STIM1: variants seen among roughly 807,000 people sequenced by gnomAD.
STIM1 encodes the protein stromal interaction molecule 1.
STIM1 carries 25 observed loss-of-function variants against 74.7 expected under a neutral mutation model. The ratio of observed to expected loss-of-function variants is 0.33; its 90% CI spans 0.24 to 0.47. STIM1 has a LOEUF of 0.47. STIM1 is among the 20% of genes least tolerant of loss of function. STIM1 has a pLI of 1.00. For missense variants in STIM1, 728 were observed against 920.8 expected, an observed-to-expected ratio of 0.79 and a Z score of 2.71; for synonymous variants, 328 against 348.8, an observed-to-expected ratio of 0.94 and a Z score of 0.66.
Position 3,981,470 on chromosome 11 carries a change from G to A in STIM1, c.270+13788G>A, listed in dbSNP as rs757935525. 3.0e-4 allele frequency among the ~76,000 whole-genome samples: 45 copies of A among 152,116 alleles called. 2 individuals are homozygous for A. The highest frequency in any genetic ancestry group is 1.5e-4 in the Non-Finnish European group (10 of 68,034). On this transcript the variant is annotated intron_variant, in intron 2 of 12. Transcript: ENST00000526596. ...TTTCTCTTAAGGGTGCTGAGTTGACGTTATTTTTGAATTTTGAATTCGAAA... is the reference window on the plus strand; with the variant it reads ...TTTCTCTTAAGGGTGCTGAGTTGACATTATTTTTGAATTTTGAATTCGAAA...
chr11:4,036,172 C>T (rs1330209233), intron 3 of STIM1, among the ~76,000 whole-genome samples: 1 of 152,168 alleles, frequency 6.6e-6, no homozygotes, highest in Non-Finnish European at 1.5e-5. Flanking sequence ...CATGTCCCTG[C>T]AAAGGACATG....
chr11:3,975,039 G>A (rs891593490), intron 2 of STIM1, among the ~76,000 whole-genome samples: 2 of 152,140 alleles, frequency 1.3e-5, no homozygotes, highest in South Asian at 2.1e-4. Context: ...GGCACTATTC[G>A]AAGGCTAGGG....
At chr11:3,968,610 T>G (rs1157945004) in intron 2 of STIM1, among the ~76,000 whole-genome samples, 1 of 152,192 alleles carries the variant, frequency 6.6e-6, no homozygotes, top group Non-Finnish European at 1.5e-5. Context: ...AGCGTCTATG[T>G]ACCATGCACT....
chr11:4,037,537 C>A (rs1161203283), intron 3 of STIM1, among the ~76,000 whole-genome samples: 1 of 152,124 alleles, frequency 6.6e-6, no homozygotes, highest in East Asian at 1.9e-4. Context: ...AAATGAACTG[C>A]TTTATCCTTC....
intron 1 of STIM1, among the ~76,000 whole-genome samples, chr11:3,911,036 A>G (rs1213504113): frequency 6.6e-6 from 1 of 152,144 alleles, no homozygotes; most frequent in Admixed American, 6.6e-5. Context: ...TACAAGTCTC[A>G]TCCTGCTGGA....
At chr11:4,075,314 G>T (rs777081560) in intron 7 of STIM1, among the ~76,000 whole-genome samples, 82 of 152,244 alleles carry the variant, frequency 5.4e-4, no homozygotes, top group Non-Finnish European at 2.5e-4. Flanking sequence ...GCATATGCAT[G>T]TACCTGTGTT....
At chr11:3,970,130 A>G (rs868694708) in intron 2 of STIM1, among the ~76,000 whole-genome samples, 1 of 150,406 alleles carries the variant, frequency 6.6e-6, no homozygotes, top group Non-Finnish European at 1.5e-5. Flanking sequence ...GAGGGGAGGA[A>G]TAAAATGTTC....
In STIM1 at chr11:3,996,624, G is replaced by C. The variant is rs550036227; in HGVS notation, c.271-27249G>C. Reference sequence around the variant, plus strand: ...GTTTCTGTGTCATTGAGTTGGGAGAGGCAAGGTGGAGAACAGGTCTTGGTT... The same window carrying C: ...GTTTCTGTGTCATTGAGTTGGGAGACGCAAGGTGGAGAACAGGTCTTGGTT... On this transcript the variant is annotated intron_variant, in intron 2 of 12. Coordinates refer to ENST00000526596, the MANE Select transcript of STIM1 (RefSeq NM_001382567.1). Among the ~76,000 whole-genome samples, 4 of 152,304 alleles carry C rather than the reference G, an allele frequency of 2.6e-5. No individual in the cohort carries two copies. In the East Asian group the frequency reaches 7.7e-4, roughly 29 times the overall value.
intron 7 of STIM1, among the ~76,000 whole-genome samples, chr11:4,076,036 A>T (rs1252209542): frequency 1.3e-5 from 2 of 152,128 alleles, no homozygotes; most frequent in South Asian, 2.1e-4. Context: ...ATTTGTAAGC[A>T]TTATTTATAT....
At chr11:3,955,640 T>C (rs148320801) in intron 1 of STIM1, among the ~76,000 whole-genome samples, 31 of 152,076 alleles carry the variant, frequency 2.0e-4, no homozygotes, top group South Asian at 1.0e-3. Flanking sequence ...TATATTTACT[T>C]ATGTACTTTA....
intron 1 of STIM1, among the ~76,000 whole-genome samples, chr11:3,887,366 T>TA: frequency 6.6e-6 from 1 of 152,296 alleles, no homozygotes; most frequent in Non-Finnish European, 1.5e-5. Flanking sequence ...ACATGGGCAT[T>TA]ATGAAACCTG....
Position 4,059,273 on chromosome 11 carries a change from C to G in STIM1, c.498-8C>G. On this transcript the variant is annotated splice_region_variant and splice_polypyrimidine_tract_variant and intron_variant, in intron 4 of 12. Coordinates refer to ENST00000526596, the MANE Select transcript of STIM1 (RefSeq NM_001382567.1). ...AGGGAACTGATCTGCTACTCTTTGC[C>G]TCAACAGGCTGGCTGTCACCAACAC... 6.2e-7 allele frequency: 1 copy of G among 1,613,260 alleles called. No individual in the cohort carries two copies. Among genetic ancestry groups the G allele is most frequent in the Non-Finnish European group, 8.5e-7 (1 of 1,179,292 alleles).
chr11:4,062,215 T>TA (rs933133511), intron 5 of STIM1, among the ~76,000 whole-genome samples: 3 of 152,178 alleles, frequency 2.0e-5, no homozygotes, highest in African/African-American at 7.2e-5. Flanking sequence ...TTCACCAAAA[T>TA]AAAAAAGTTT....
At chr11:3,964,270 A>G (rs1172959877) in intron 1 of STIM1, among the ~76,000 whole-genome samples, 2 of 152,224 alleles carry the variant, frequency 1.3e-5, no homozygotes, top group African/African-American at 2.4e-5. Context: ...CCAGATTGGA[A>G]TGCGTAAGAG....
intron 3 of STIM1, among the ~76,000 whole-genome samples, chr11:4,035,390 T>C (rs1208663055): frequency 6.6e-6 from 1 of 152,060 alleles, no homozygotes; most frequent in African/African-American, 2.4e-5. Flanking sequence ...GATATAATCT[T>C]CAATAACTTA....
chr11:3,933,520 A>G (rs1473624685), intron 1 of STIM1, among the ~76,000 whole-genome samples: 3 of 152,148 alleles, frequency 2.0e-5, no homozygotes, highest in African/African-American at 7.2e-5. Flanking sequence ...CTGTTTCCCA[A>G]TGTAGTTACA....
At chr11:3,945,657 T>C (rs1239246086) in intron 1 of STIM1, among the ~76,000 whole-genome samples, 5 of 152,220 alleles carry the variant, frequency 3.3e-5, no homozygotes, top group Admixed American at 2.6e-4. Flanking sequence ...TCTTCCCTGA[T>C]TGAAACTCTG....
intron 1 of STIM1, among the ~76,000 whole-genome samples, chr11:3,904,551 A>G (rs2092429277): frequency 6.6e-6 from 1 of 152,106 alleles, no homozygotes; most frequent in African/African-American, 2.4e-5. Flanking sequence ...ACATGACCAG[A>G]GTGTTTTTTT....
intron 2 of STIM1, among the ~76,000 whole-genome samples, chr11:4,017,557 G>T (rs1227330276): frequency 1.3e-5 from 2 of 152,062 alleles, no homozygotes; most frequent in African/African-American, 2.4e-5. Flanking sequence ...CATGTCAGAT[G>T]GTTTCCTGGA....
Sources: allele counts gnomAD v4.1 joint callset (sites outside exome capture counted in the v4.1 genomes callset), GRCh38; gene constraint gnomAD v4.1.1; transcripts MANE v1.5; gene names NCBI Gene and HGNC (gene_info 2026-07-23, HGNC 2026-07-21).